LAMC2: variants seen among roughly 807,000 people sequenced by gnomAD.
The protein encoded by LAMC2 is laminin subunit gamma 2.
A neutral mutation model predicts 140.2 loss-of-function variants in LAMC2; 97 were observed. That is an observed-to-expected ratio of 0.69 (90% confidence interval 0.59 to 0.82). LAMC2 has a LOEUF of 0.82. LAMC2 is among the 40% of genes least tolerant of loss of function. The pLI, the probability that LAMC2 is intolerant of heterozygous loss-of-function variation, is 0.00. For synonymous variants in LAMC2, 513 were observed against 540.2 expected (o/e 0.95, Z 0.70); for missense variants, 1,402 against 1,476.1 (o/e 0.95, Z 0.82).
the LAMC2 span, among the ~76,000 whole-genome samples, chr1:183,256,679 GTGT>G: frequency 6.6e-6 from 1 of 152,180 alleles, no homozygotes; most frequent in Non-Finnish European, 1.5e-5. Context: ...GCTTCATGTT[GTGT>G]TGTTGAATTC....
At chr1:183,196,808 T>C (rs901806525) in intron 1 of LAMC2, among the ~76,000 whole-genome samples, 1 of 152,216 alleles carries the variant, frequency 6.6e-6, no homozygotes. Flanking sequence ...CCAATTTGTG[T>C]CTGCCCACCA....
At chr1:183,253,116 C>T in the LAMC2 span, among the ~76,000 whole-genome samples, 1 of 151,942 alleles carries the variant, frequency 6.6e-6, no homozygotes, top group East Asian at 1.9e-4. Flanking sequence ...CTAATGTATT[C>T]ACTATTCTTT....
At chr1:183,190,785 C>T (rs1489396790) in intron 1 of LAMC2, among the ~76,000 whole-genome samples, 1 of 152,164 alleles carries the variant, frequency 6.6e-6, no homozygotes. Flanking sequence ...TGTTCACTCA[C>T]ATTTTATGAA....
In LAMC2 at chr1:183,208,323, G is replaced by A. The variant is rs535177984; in HGVS notation, c.268+254G>A. On this transcript the variant is annotated intron_variant, in intron 2 of 22. Coordinates refer to ENST00000264144, the MANE Select transcript of LAMC2 (RefSeq NM_005562.3). The stretch of plus-strand genomic sequence containing the variant: ...AGTAGGGGTTGGTGGAACCAGTTGG[G>A]ACCTTGAGGGCATGTTGTCTTGAAT... Among the ~76,000 whole-genome samples, 63 of 152,256 alleles carry A rather than the reference G, an allele frequency of 4.1e-4. 2 individuals are homozygous for A. The South Asian group carries it at 0.013, about 32-fold the overall frequency.
intron 1 of LAMC2, among the ~76,000 whole-genome samples, chr1:183,202,592 G>C (rs1260966576): frequency 6.6e-6 from 1 of 152,086 alleles, no homozygotes; most frequent in Non-Finnish European, 1.5e-5. Flanking sequence ...ATAGATAAAT[G>C]GACAAAGATC....
chr1:183,230,177 C>T (rs936943693), intron 11 of LAMC2, among the ~76,000 whole-genome samples: 4 of 152,156 alleles, frequency 2.6e-5, no homozygotes, highest in African/African-American at 7.2e-5. Flanking sequence ...ACTCAACCAT[C>T]CTTTATCAAG....
intron 1 of LAMC2, among the ~76,000 whole-genome samples, chr1:183,200,729 G>C (rs186438236): frequency 7.2e-5 from 11 of 152,160 alleles, no homozygotes; most frequent in Non-Finnish European, 1.3e-4. Flanking sequence ...GATCCTGCTC[G>C]CCTCACTCTA....
intron 1 of LAMC2, among the ~76,000 whole-genome samples, chr1:183,187,502 CAA>C (rs11386933): frequency 2.5e-4 from 31 of 126,148 alleles, no homozygotes; most frequent in Non-Finnish European, 3.2e-4. Context: ...TGATTGCCAC[CAA>C]AAAAAAAAAA....
Position 183,193,427 on chromosome 1 carries a change from C to T in LAMC2, c.79+6996C>T, listed in dbSNP as rs146620766. On this transcript the variant is annotated intron_variant, in intron 1 of 22. Transcript: ENST00000264144. Reference sequence around the variant, plus strand: ...ACGTCCAGAGATTATTTCTGTCTCCCTGCTACAGACCCTTGTAAGTTTTGG... The same window carrying T: ...ACGTCCAGAGATTATTTCTGTCTCCTTGCTACAGACCCTTGTAAGTTTTGG... Among the ~76,000 whole-genome samples, 134 of 152,326 alleles carry T rather than the reference C, an allele frequency of 8.8e-4. No individual in the cohort carries two copies. The South Asian group carries it at 0.011, about 12-fold the overall frequency.
At chr1:183,252,716 A>T in the LAMC2 span, 1 of 1,614,076 alleles carries the variant, frequency 6.2e-7, no homozygotes, top group Non-Finnish European at 8.5e-7. Context: ...AATCCACAAC[A>T]TGGCCGTCCC....
At chr1:183,254,261 T>C in the LAMC2 span, among the ~76,000 whole-genome samples, 1 of 152,230 alleles carries the variant, frequency 6.6e-6, no homozygotes, top group East Asian at 1.9e-4. Flanking sequence ...ATCTCTTATC[T>C]TTTTGATAAT....
intron 14 of LAMC2, among the ~76,000 whole-genome samples, chr1:183,233,722 A>G (rs768749094): frequency 7.2e-5 from 11 of 151,950 alleles, no homozygotes; most frequent in African/African-American, 1.7e-4. Flanking sequence ...GTACATGTAT[A>G]TATTTTTATT....
intron 1 of LAMC2, among the ~76,000 whole-genome samples, chr1:183,200,725 G>C (rs1476987604): frequency 6.6e-6 from 1 of 152,048 alleles, no homozygotes; most frequent in East Asian, 1.9e-4. Context: ...GAGGGATCCT[G>C]CTCGCCTCAC....
intron 4 of LAMC2, among the ~76,000 whole-genome samples, chr1:183,218,944 T>C (rs1009442977): frequency 6.6e-6 from 1 of 152,232 alleles, no homozygotes; most frequent in Non-Finnish European, 1.5e-5. Flanking sequence ...GAAGAGGCAC[T>C]GCCCTGGGGA....
chr1:183,251,721 T>G, the LAMC2 span: 3 of 152,952 alleles, frequency 2.0e-5, no homozygotes, highest in Non-Finnish European at 4.4e-5. Flanking sequence ...CTCTGTGTGA[T>G]CATAAGCTCA....
chr1:183,215,943 A>G (rs1371594460), intron 3 of LAMC2, among the ~76,000 whole-genome samples: 1 of 152,138 alleles, frequency 6.6e-6, no homozygotes, highest in African/African-American at 2.4e-5. Flanking sequence ...CCTTCAAGTA[A>G]CCTGGGACCC....
Position 183,222,107 on chromosome 1 carries a change from C to T in LAMC2, c.659C>T (p.Ala220Val), listed in dbSNP as rs778818594. 1 of 1,614,138 alleles carries T rather than the reference C, an allele frequency of 6.2e-7. No homozygotes were observed. The highest frequency in any genetic ancestry group is 1.1e-5 in the South Asian group (1 of 91,082). ...GTTCCAGATGTTGATGGCTGGAAGGCTGTCCAACGAAATGGGTCTCCTGCA... is the reference window on the plus strand; with the variant it reads ...GTTCCAGATGTTGATGGCTGGAAGGTTGTCCAACGAAATGGGTCTCCTGCA... ...TFHQDVDGWK[A>V]VQRNGSPAKL... The change falls in exon 6 of 23, where the codon GCT (alanine) becomes GTT (valine). Residue 220 changes from alanine (A) to valine (V), a missense_variant. Around this residue, in one of 3 missense-constraint regions of LAMC2, gnomAD observed 723 missense variants for 783.3 expected, o/e 0.92. Transcript: ENST00000264144.
At chr1:183,202,109 G>T (rs532881205) in intron 1 of LAMC2, among the ~76,000 whole-genome samples, 1 of 151,818 alleles carries the variant, frequency 6.6e-6, no homozygotes, top group Non-Finnish European at 1.5e-5. Context: ...CATGAGAATC[G>T]CTTGAACCTG....
At chr1:183,218,165 C>T (rs115249409) in intron 3 of LAMC2, among the ~76,000 whole-genome samples, 3,127 of 152,284 alleles carry the variant, frequency 0.021, 104 homozygotes, top group African/African-American at 0.07. Flanking sequence ...AGACAGTTCT[C>T]GGCCCAGCTG....
Sources: gnomAD v4.1 joint callset for allele counts (sites outside exome capture counted in the v4.1 genomes callset) on GRCh38, gnomAD v4.1.1 for gene constraint, gnomAD v4.1.1 regional missense constraint, MANE v1.5 for transcripts, NCBI Gene and HGNC (gene_info 2026-07-23, HGNC 2026-07-21) for gene names.